GRM7: variants seen among roughly 807,000 people sequenced by gnomAD.
GRM7 encodes the protein metabotropic glutamate receptor 7.
In GRM7, 35 loss-of-function variants were observed where a neutral mutation model predicts 84.5. The ratio of observed to expected loss-of-function variants is 0.41; its 90% CI spans 0.32 to 0.55. GRM7 has a LOEUF of 0.55. Among genes scored for constraint, GRM7 ranks in the 20% least tolerant of loss-of-function variants. The pLI is 0.19. For missense variants in GRM7, 1,003 were observed against 1,194.6 expected (o/e 0.84, Z 2.36); for synonymous variants, 487 against 455.1 (o/e 1.07, Z -0.89).
intron 1 of GRM7, among the ~76,000 whole-genome samples, chr3:7,105,238 T>C (rs921788492): frequency 8.6e-5 from 13 of 151,870 alleles, no homozygotes; most frequent in East Asian, 3.9e-4. Flanking sequence ...TGTTTTAAGA[T>C]GGTCAAAAAA....
At chr3:7,037,736 T>C (rs985111328) in intron 1 of GRM7, among the ~76,000 whole-genome samples, 4 of 152,204 alleles carry the variant, frequency 2.6e-5, no homozygotes, top group African/African-American at 7.2e-5. Flanking sequence ...ACAAATATTT[T>C]AATTTCCTCA....
chr3:7,734,047 C>T (rs945776790), intron 9 of GRM7, among the ~76,000 whole-genome samples: 8 of 152,176 alleles, frequency 5.3e-5, no homozygotes, highest in African/African-American at 1.9e-4. Flanking sequence ...TTGTATCTGA[C>T]TCATTTCCCT....
At chr3:7,489,036 G>A (rs1001236127) in intron 7 of GRM7, among the ~76,000 whole-genome samples, 8 of 152,032 alleles carry the variant, frequency 5.3e-5, no homozygotes, top group Non-Finnish European at 7.4e-5. Context: ...GCCCTGTGCA[G>A]GTGTTGCTTT....
chr3:7,288,619 C>T (rs1317593586), intron 2 of GRM7, among the ~76,000 whole-genome samples: 1 of 152,024 alleles, frequency 6.6e-6, no homozygotes, highest in African/African-American at 2.4e-5. Flanking sequence ...AGAATGGAGG[C>T]ATTAAAAATG....
chr3:7,496,265 T>A (rs139822222), intron 7 of GRM7, among the ~76,000 whole-genome samples: 2 of 152,288 alleles, frequency 1.3e-5, no homozygotes, highest in African/African-American at 2.4e-5. Context: ...CTTGACTCAG[T>A]TATCATTATC....
chr3:6,911,739 A>C (rs1353147750), intron 1 of GRM7, among the ~76,000 whole-genome samples: 2 of 152,188 alleles, frequency 1.3e-5, no homozygotes, highest in African/African-American at 4.8e-5. Flanking sequence ...TATGTTTTAA[A>C]ACTTTTTTGT....
intron 1 of GRM7, among the ~76,000 whole-genome samples, chr3:6,878,346 A>G (rs1174872290): frequency 1.3e-5 from 2 of 150,962 alleles, no homozygotes; most frequent in African/African-American, 4.9e-5. Context: ...TCAAATGATT[A>G]GACTTTCAAA....
chr3:7,388,231 G>A (rs1694861183), intron 4 of GRM7, among the ~76,000 whole-genome samples: 4 of 152,138 alleles, frequency 2.6e-5, no homozygotes, highest in Non-Finnish European at 2.9e-5. Flanking sequence ...CATATCATCA[G>A]TGAAGAGAAA....
At chr3:7,467,222 G>T (rs1698496997) in intron 7 of GRM7, among the ~76,000 whole-genome samples, 1 of 152,022 alleles carries the variant, frequency 6.6e-6, no homozygotes, top group African/African-American at 2.4e-5. Flanking sequence ...TGAGTATCTG[G>T]GACTACAGGC....
chr3:7,063,234 G>T (rs1697496961), intron 1 of GRM7, among the ~76,000 whole-genome samples: 1 of 151,734 alleles, frequency 6.6e-6, no homozygotes, highest in African/African-American at 2.4e-5. Context: ...CCAATCCAAA[G>T]ACAATCAAGA....
At chr3:7,336,475 A>C (rs1250086081) in intron 4 of GRM7, among the ~76,000 whole-genome samples, 2 of 152,066 alleles carry the variant, frequency 1.3e-5, no homozygotes, top group Non-Finnish European at 2.9e-5. Flanking sequence ...TCCCCTGAGA[A>C]CTGAAACAAG....
chr3:7,738,101 G>A (rs570784330), intron 9 of GRM7, among the ~76,000 whole-genome samples: 2 of 151,988 alleles, frequency 1.3e-5, no homozygotes, highest in East Asian at 1.9e-4. Flanking sequence ...CACCCGTCTC[G>A]GCCTCCCAAA....
At chr3:7,166,102 AC>A (rs752919514) in intron 2 of GRM7, among the ~76,000 whole-genome samples, 26 of 152,336 alleles carry the variant, frequency 1.7e-4, no homozygotes, top group Non-Finnish European at 3.1e-4. Context: ...AATTAAAGAA[AC>A]TGGGACAGAG....
intron 1 of GRM7, among the ~76,000 whole-genome samples, chr3:7,027,247 A>G (rs574521732): frequency 6.6e-6 from 1 of 152,208 alleles, no homozygotes; most frequent in African/African-American, 2.4e-5. Context: ...CTCACAGAAT[A>G]AACCTATCTC....
intron 4 of GRM7, among the ~76,000 whole-genome samples, chr3:7,328,335 G>C (rs1251083049): frequency 6.6e-6 from 1 of 152,176 alleles, no homozygotes; most frequent in Non-Finnish European, 1.5e-5. Flanking sequence ...TTTGATGTAA[G>C]AGAAACTATT....
chr3:7,565,251 A>T lies in GRM7; in HGVS notation c.1516-13171A>T, dbSNP rs181394453. On this transcript the variant is annotated intron_variant, in intron 7 of 9. Coordinates refer to ENST00000357716, the MANE Select transcript of GRM7 (RefSeq NM_000844.4). The stretch of plus-strand genomic sequence containing the variant: ...GTCAGTCTGTTCTTTCCTTGACACC[A>T]TCATTTATCCATTTAATCCAGCAAT... 3.9e-5 allele frequency among the ~76,000 whole-genome samples: 6 copies of T among 152,286 alleles called. No individual in the cohort carries two copies. In the East Asian group the frequency reaches 1.2e-3, roughly 29 times the overall value.
chr3:7,616,202 C>A (rs1044282879), intron 8 of GRM7, among the ~76,000 whole-genome samples: 15 of 152,098 alleles, frequency 9.9e-5, no homozygotes, highest in African/African-American at 3.6e-4. Context: ...ATAGACTTTA[C>A]TGCCGGCATC....
chr3:7,532,179 G>C (rs1041007122), intron 7 of GRM7, among the ~76,000 whole-genome samples: 41 of 152,132 alleles, frequency 2.7e-4, no homozygotes, highest in African/African-American at 8.9e-4. Context: ...GTTTGGAATA[G>C]TTTCAGAAGG....
intron 8 of GRM7, among the ~76,000 whole-genome samples, chr3:7,675,614 G>A (rs2125136096): frequency 6.6e-6 from 1 of 152,324 alleles, no homozygotes; most frequent in African/African-American, 2.4e-5. Context: ...GCCTGGCATT[G>A]AATTCACCAC....
Sources: gnomAD v4.1 joint callset for allele counts (sites outside exome capture counted in the v4.1 genomes callset) on GRCh38, gnomAD v4.1.1 for gene constraint, MANE v1.5 for transcripts, NCBI Gene and HGNC (gene_info 2026-07-23, HGNC 2026-07-21) for gene names.